ZCCHC17: variants seen among roughly 807,000 people sequenced by gnomAD.
The protein encoded by ZCCHC17 is zinc finger CCHC-type containing 17.
ZCCHC17 carries 18 observed loss-of-function variants against 30.6 expected under a neutral mutation model. That is an observed-to-expected ratio of 0.59 (90% CI 0.41 to 0.87). ZCCHC17 has a LOEUF of 0.87. Ranked by LOEUF, ZCCHC17 falls within the 40% of genes least tolerant of loss-of-function variation. The pLI, the probability that ZCCHC17 is intolerant of heterozygous loss-of-function variation, is 0.00. For synonymous variants in ZCCHC17, 88 were observed against 92.4 expected (o/e 0.95, Z 0.27); for missense variants, 263 against 284.2 (o/e 0.93, Z 0.54).
chr1:31,328,047 A>G (rs1046853101), intron 3 of ZCCHC17, among the ~76,000 whole-genome samples: 1 of 152,232 alleles, frequency 6.6e-6, no homozygotes, highest in Non-Finnish European at 1.5e-5. Flanking sequence ...GGTTGCTAAG[A>G]TCTACCCTAA....
chr1:31,358,872 C>T (rs1639750923), intron 7 of ZCCHC17, among the ~76,000 whole-genome samples: 2 of 152,024 alleles, frequency 1.3e-5, no homozygotes, highest in South Asian at 4.2e-4. Flanking sequence ...CATGAGATCA[C>T]CTGCAGAGTA....
chr1:31,310,182 T>G lies in ZCCHC17; in HGVS notation c.66+18T>G. On this transcript the variant is annotated intron_variant, in intron 2 of 7. Coordinates refer to ENST00000344147, the MANE Select transcript of ZCCHC17 (RefSeq NM_016505.4). Reference sequence around the variant, plus strand: ...AAGGAGAGGTATATTCTTTTGTGCTTTGAAAACCCACCATTTATGTTAAAA... The same window carrying G: ...AAGGAGAGGTATATTCTTTTGTGCTGTGAAAACCCACCATTTATGTTAAAA... 6.2e-7 allele frequency: 1 copy of G among 1,610,508 alleles called. No individual in the cohort carries two copies. The highest frequency in any genetic ancestry group is 1.1e-5 in the South Asian group (1 of 90,880).
At chr1:31,338,545 T>C (rs1638910707) in intron 4 of ZCCHC17, among the ~76,000 whole-genome samples, 1 of 152,202 alleles carries the variant, frequency 6.6e-6, no homozygotes, top group South Asian at 2.1e-4. Flanking sequence ...ATGTGACAAA[T>C]GTCTTCATGC....
intron 3 of ZCCHC17, among the ~76,000 whole-genome samples, chr1:31,333,822 T>C (rs1158869918): frequency 6.6e-6 from 1 of 152,210 alleles, no homozygotes; most frequent in Non-Finnish European, 1.5e-5. Flanking sequence ...AAATAGACTT[T>C]CTGTTTTAGG....
chr1:31,359,655 A>T (rs1639790804), intron 7 of ZCCHC17, among the ~76,000 whole-genome samples: 1 of 151,994 alleles, frequency 6.6e-6, no homozygotes, highest in Non-Finnish European at 1.5e-5. Context: ...CCTGTTTCAG[A>T]ACTATAGTGA....
At chr1:31,298,377 G>GTTTTTTTTTTTTTTTTTTT (rs59616986) in intron 1 of ZCCHC17, among the ~76,000 whole-genome samples, 1 of 145,632 alleles carries the variant, frequency 6.9e-6, no homozygotes, top group African/African-American at 2.6e-5. Context: ...TTAGAGACCA[G>GTTTTTTTTTTTTTTTTTTT]TTTTTTTTTG....
intron 6 of ZCCHC17, among the ~76,000 whole-genome samples, chr1:31,348,359 A>C (rs756144636): frequency 9.2e-5 from 14 of 151,972 alleles, no homozygotes; most frequent in Admixed American, 3.9e-4. Context: ...GACTGTGCCT[A>C]TTTCTCTGTG....
chr1:31,340,349 C>T (rs1434830169), intron 5 of ZCCHC17, among the ~76,000 whole-genome samples: 4 of 104,494 alleles, frequency 3.8e-5, no homozygotes, highest in Non-Finnish European at 4.0e-5. Flanking sequence ...ACAAGTTTCA[C>T]TCTTGTTGCC....
Position 31,339,019 on chromosome 1 carries a change from A to G in ZCCHC17, c.288A>G (p.Lys96=). 6.2e-7 allele frequency: 1 copy of G among 1,612,402 alleles called. No individual in the cohort carries two copies. Among genetic ancestry groups the G allele is most frequent in the Non-Finnish European group, 8.5e-7 (1 of 1,179,466 alleles). ...SMKVVNQGTG[K]DLDPNNVIIE... The stretch of plus-strand genomic sequence containing the variant: ...AGGTTGTCAATCAAGGGACTGGGAA[A>G]GACCTTGATCCCAACAATGTTATCA... Residue 96 remains lysine, a synonymous_variant, in exon 5 of 8, where the codon AAA becomes AAG. Transcript: ENST00000344147.
At chr1:31,349,358 T>C (rs1639388421) in intron 7 of ZCCHC17, among the ~76,000 whole-genome samples, 1 of 152,208 alleles carries the variant, frequency 6.6e-6, no homozygotes, top group Non-Finnish European at 1.5e-5. Context: ...TCTAATCTTT[T>C]TTCTTTTTTT....
intron 3 of ZCCHC17, among the ~76,000 whole-genome samples, chr1:31,323,174 G>A (rs1249991997): frequency 6.6e-6 from 1 of 152,174 alleles, no homozygotes; most frequent in Non-Finnish European, 1.5e-5. Flanking sequence ...TAGGAACTCT[G>A]CCAGGAACTA....
At chr1:31,363,059 A>T (rs1569959467) in intron 7 of ZCCHC17, among the ~76,000 whole-genome samples, 1 of 152,032 alleles carries the variant, frequency 6.6e-6, no homozygotes, top group African/African-American at 2.4e-5. Context: ...ATACACATGT[A>T]TATGTTATAC....
At chr1:31,363,400 G>T (rs374636444) in intron 7 of ZCCHC17, among the ~76,000 whole-genome samples, 1 of 152,112 alleles carries the variant, frequency 6.6e-6, no homozygotes, top group East Asian at 1.9e-4. Flanking sequence ...AGCCAGGATG[G>T]TCTCGATCTC....
chr1:31,340,081 C>T (rs905570496), intron 5 of ZCCHC17, among the ~76,000 whole-genome samples: 4 of 150,524 alleles, frequency 2.7e-5, no homozygotes, highest in African/African-American at 9.7e-5. Flanking sequence ...CTCAGCCTAC[C>T]GAGTAGCTGG....
intron 2 of ZCCHC17, chr1:31,318,126 C>G (rs1231126346): frequency 2.8e-6 from 4 of 1,421,014 alleles, no homozygotes; most frequent in Non-Finnish European, 3.8e-6. Flanking sequence ...TAGTAAATAG[C>G]AGTGCAGTCA....
At chr1:31,300,660 G>A (rs1369045627) in intron 1 of ZCCHC17, among the ~76,000 whole-genome samples, 1 of 152,056 alleles carries the variant, frequency 6.6e-6, no homozygotes, top group Non-Finnish European at 1.5e-5. Flanking sequence ...TTTAGGCCGG[G>A]TGCTGTGGCT....
At chr1:31,363,993 A>G in intron 7 of ZCCHC17, 39 bp from the exon 8 acceptor site, 2 of 1,601,960 alleles carry the variant, frequency 1.2e-6, no homozygotes, top group Non-Finnish European at 8.5e-7. Flanking sequence ...AAAAGCAAAT[A>G]TACACATACA....
Position 31,336,796 on chromosome 1 carries a change from C to A in ZCCHC17, c.125-379C>A, listed in dbSNP as rs560298639. 4.6e-5 allele frequency among the ~76,000 whole-genome samples: 7 copies of A among 151,060 alleles called. No homozygotes were observed. In the South Asian group the frequency reaches 1.5e-3, roughly 32 times the overall value. ...CCTCCCATCTCAGCCTCCTAAGTAG[C>A]TAGAGCTACAGACACGTGCCACCAT... On this transcript the variant is annotated intron_variant, in intron 3 of 7. Transcript: ENST00000344147.
intron 5 of ZCCHC17, among the ~76,000 whole-genome samples, chr1:31,340,157 C>T (rs990707918): frequency 2.6e-5 from 4 of 151,398 alleles, no homozygotes; most frequent in African/African-American, 9.7e-5. Context: ...CTATGTTGCC[C>T]AGGTTGTTCT....
Sources: gnomAD v4.1 joint callset for allele counts (sites outside exome capture counted in the v4.1 genomes callset) on GRCh38, gnomAD v4.1.1 for gene constraint, MANE v1.5 for transcripts, NCBI Gene and HGNC (gene_info 2026-07-23, HGNC 2026-07-21) for gene names.